Variants in TFE3 observed in about 807,000 individuals in gnomAD.
TFE3 encodes transcription factor E3.
A neutral mutation model predicts 35.0 loss-of-function variants in TFE3; 5 were observed. The ratio of observed to expected loss-of-function variants is 0.14; its 90% CI spans 0.07 to 0.30. TFE3 has a LOEUF of 0.30. Ranked by LOEUF, TFE3 falls within the 10% of genes least tolerant of loss-of-function variation. TFE3 has a pLI of 1.00. For missense variants in TFE3, 374 were observed against 496.6 expected, an observed-to-expected ratio of 0.75 and a Z score of 2.35; for synonymous variants, 211 against 215.6, an observed-to-expected ratio of 0.98 and a Z score of 0.18.
At position 49,031,379 on chromosome X, in the gene TFE3, C is replaced by T. The variant is rs1557073701; in HGVS notation, c.1284+18G>A. 4 of 1,179,165 alleles carry T rather than the reference C, an allele frequency of 3.4e-6. No homozygotes were observed. Among genetic ancestry groups the T allele is most frequent in the African/African-American group, 1.8e-5 (1 of 56,319 alleles). On this transcript the variant is annotated intron_variant, in intron 9 of 9. Coordinates refer to ENST00000315869, the MANE Select transcript of TFE3 (RefSeq NM_006521.6). ...AGCTCTCCCCCTCTTCCCCCACCACCATCTCCTCTTTTCAAACCTGAATTC... is the reference window on the plus strand; with the variant it reads ...AGCTCTCCCCCTCTTCCCCCACCACTATCTCCTCTTTTCAAACCTGAATTC...
Position 49,028,726 on chromosome X carries a change from T to C in TFE3, c.*1432A>G, listed in dbSNP as rs782167555. On this transcript the variant is annotated 3_prime_UTR_variant, in exon 10 of 10. Transcript: ENST00000315869. Reference sequence around the variant, plus strand: ...AGTGTAAAACAAGGACAGGAGACTCTTTGCCAAAGTTAAAAGCGCATCAAA... The same window carrying C: ...AGTGTAAAACAAGGACAGGAGACTCCTTGCCAAAGTTAAAAGCGCATCAAA... 1 of 158,311 alleles carries C rather than the reference T, an allele frequency of 6.3e-6. No homozygotes were observed. Among genetic ancestry groups the C allele is most frequent in the Admixed American group, 8.3e-5 (1 of 12,035 alleles). 13.0% of individuals were successfully genotyped at this position (158,311 alleles called of 1,213,427 possible).
Position 49,043,150 on chromosome X carries a change from A to G in TFE3, c.77T>C (p.Leu26Ser). 8.4e-7 allele frequency: 1 copy of G among 1,193,552 alleles called. No individual in the cohort carries two copies. The highest frequency in any genetic ancestry group is 1.1e-6 in the Non-Finnish European group (1 of 888,929). Residue 26 changes from leucine (L) to serine (S), a missense_variant, in exon 1 of 10, where the codon TTG becomes TCG. Around this residue, in one of 3 missense-constraint regions of TFE3, gnomAD observed 90 missense variants for 87.5 expected, o/e 1.03. Coordinates refer to ENST00000315869, the MANE Select transcript of TFE3 (RefSeq NM_006521.6). ...AEGPRAVFVL[L>S]EERRPADSAQ... is the part of the protein sequence containing the mutation. ...CGAGTCGGCCGGCCTGCGCTCCTCC[A>G]ACAGCACGAACACGGCTCGAGGGCC...
At chrX:49,037,418 C>T (rs782629226) in intron 5 of TFE3, among the ~76,000 whole-genome samples, 1 of 109,190 alleles carries the variant, frequency 9.2e-6, no homozygotes, top group South Asian at 3.9e-4. Context: ...ATGCTCATCT[C>T]GGCCGGGTGT....
chrX:49,040,666 C>A (rs1007116319), intron 1 of TFE3, 98 bp from the exon 2 acceptor site: 4 of 584,324 alleles, frequency 6.8e-6, no homozygotes, highest in Admixed American at 2.8e-5. Context: ...GGGGGGAGAA[C>A]GAAGAGGAGG....
Position 49,039,158 on chromosome X carries a change from GC to G in TFE3, c.482del (p.Gly161AlafsTer4). ...AISVVGVSAG[G>X]HTLSRPPPAQ... Reference sequence around the variant, plus strand: ...CAGGGGGTGGACGGCTCAATGTGTGGCCCCCAGCAGAGACGCCAACCACAGA... The same window carrying G: ...CAGGGGGTGGACGGCTCAATGTGTGGCCCCAGCAGAGACGCCAACCACAGA... On this transcript the variant is annotated frameshift_variant, in exon 3 of 10. Transcript: ENST00000315869. LOFTEE classifies it high-confidence loss of function. 1 of 1,197,099 alleles carries G rather than the reference GC, an allele frequency of 8.4e-7. No homozygotes were observed.
rs145321303 is a variant in TFE3, at chrX:49,041,648, C to T, written c.117-1080G>A. ...CACCCCCAACACTAACACCCACTGGCGCACAAAATAAGAAGCCATATACAC... is the reference window on the plus strand; with the variant it reads ...CACCCCCAACACTAACACCCACTGGTGCACAAAATAAGAAGCCATATACAC... On this transcript the variant is annotated intron_variant, in intron 1 of 9. Coordinates refer to ENST00000315869, the MANE Select transcript of TFE3 (RefSeq NM_006521.6). Among the ~76,000 whole-genome samples, 501 of 110,874 alleles carry T rather than the reference C, an allele frequency of 4.5e-3. 1 individual carries two copies. The highest frequency in any genetic ancestry group is 6.8e-3 in the Non-Finnish European group (362 of 52,953).
chrX:49,030,743 G>A lies in TFE3; in HGVS notation c.1285-142C>T, dbSNP rs2064695391. 6 of 502,936 alleles carry A rather than the reference G, an allele frequency of 1.2e-5. No homozygotes were observed. The Admixed American group carries it at 1.2e-4, about 10-fold the overall frequency. The allele number at this position is 502,936 out of a possible 1,213,427, so 41.4% of individuals were successfully genotyped here. On this transcript the variant is annotated intron_variant, in intron 9 of 9. Coordinates refer to ENST00000315869, the MANE Select transcript of TFE3 (RefSeq NM_006521.6). Reference sequence around the variant, plus strand: ...CACTAGTTCCAAAACTTTAGGCAAGGTGCTTAACATCTCTGAAGCTTCAGA... The same window carrying A: ...CACTAGTTCCAAAACTTTAGGCAAGATGCTTAACATCTCTGAAGCTTCAGA...
chrX:49,033,452 A>G lies in TFE3; in HGVS notation c.1136+13T>C. ...CACCTCCCGCTGGCCTGAGGGTCCC[A>G]GCCCAGACTCACGGGTCACTGGACT... is the stretch of plus-strand genomic sequence containing the variant. On this transcript the variant is annotated intron_variant, in intron 8 of 9. Coordinates refer to ENST00000315869, the MANE Select transcript of TFE3 (RefSeq NM_006521.6). 8.3e-7 allele frequency: 1 copy of G among 1,209,863 alleles called. No homozygotes were observed. The highest frequency in any genetic ancestry group is 1.1e-6 in the Non-Finnish European group (1 of 894,409).
rs201030170 is a variant in TFE3, at chrX:49,040,936, C to CT, written c.117-369dup. 7.2e-3 allele frequency among the ~76,000 whole-genome samples: 710 copies of CT among 97,960 alleles called. 10 individuals are homozygous for CT. Among genetic ancestry groups the CT allele is most frequent in the African/African-American group, 0.024 (616 of 25,821 alleles). The allele number at this position is 97,960 out of a possible 115,157, so 85.1% of individuals were successfully genotyped here. Reference sequence around the variant, plus strand: ...GTTCTCCCAGCCCCCATACCCCCTACTTTTTTTTTTTTTTTGAGACAGAGT... The same window carrying CT: ...GTTCTCCCAGCCCCCATACCCCCTACTTTTTTTTTTTTTTTTGAGACAGAGT... On this transcript the variant is annotated intron_variant, in intron 1 of 9. Transcript: ENST00000315869.
At position 49,030,129 on chromosome X, in the gene TFE3, G is replaced by A; in HGVS notation, c.*29C>T. The A allele has an allele frequency of 8.4e-7, 1 of 1,185,794 alleles. No homozygotes were observed. The highest frequency in any genetic ancestry group is 1.1e-6 in the Non-Finnish European group (1 of 882,145). On this transcript the variant is annotated 3_prime_UTR_variant, in exon 10 of 10. Coordinates refer to ENST00000315869, the MANE Select transcript of TFE3 (RefSeq NM_006521.6). ...TGACTGGTCCTCCTTTCCTGGGTGG[G>A]AAAGTCCCAGGGGAGGGGTGAGGCC...
At position 49,029,914 on chromosome X, in the gene TFE3, G is replaced by A; in HGVS notation, c.*244C>T. 2.0e-6 allele frequency: 1 copy of A among 512,530 alleles called. No individual in the cohort carries two copies. Among genetic ancestry groups the A allele is most frequent in the Non-Finnish European group, 3.5e-6 (1 of 281,945 alleles). 42.2% of individuals were successfully genotyped at this position (512,530 alleles called of 1,213,427 possible). On this transcript the variant is annotated 3_prime_UTR_variant, in exon 10 of 10. Coordinates refer to ENST00000315869, the MANE Select transcript of TFE3 (RefSeq NM_006521.6). ...CCCAGGGGGCAGGCCCTGATCTCAT[G>A]TCCTTCTCCAGCCTTCTCCTTCTGA...
chrX:49,039,418 A>T lies in TFE3; in HGVS notation c.231-8T>A. On this transcript the variant is annotated splice_polypyrimidine_tract_variant and splice_region_variant and intron_variant, in intron 2 of 9. Transcript: ENST00000315869. Reference sequence around the variant, plus strand: ...TGCAGTGATATTGGGAGGCTGTGGAATGGGAAATATGGGGCCATATTTTAG... The same window carrying T: ...TGCAGTGATATTGGGAGGCTGTGGATTGGGAAATATGGGGCCATATTTTAG... The T allele has an allele frequency of 1.7e-6, 2 of 1,165,355 alleles. No homozygotes were observed. Among genetic ancestry groups the T allele is most frequent in the Non-Finnish European group, 2.3e-6 (2 of 872,538 alleles).
At chrX:49,031,041 C>T (rs1557073646) in intron 9 of TFE3, among the ~76,000 whole-genome samples, 1 of 109,692 alleles carries the variant, frequency 9.1e-6, no homozygotes. Context: ...GCCGAGATTG[C>T]GCCATTGCAC....
Position 49,030,444 on chromosome X carries a change from C to A in TFE3, c.1442G>T (p.Gly481Val), listed in dbSNP as rs782619958. 2.2e-5 allele frequency: 27 copies of A among 1,209,474 alleles called. No homozygotes were observed. Among genetic ancestry groups the A allele is most frequent in the Non-Finnish European group, 2.8e-5 (25 of 895,058 alleles). ...ATGGGGAGCATTCTGGGCAGGTCCC[C>A]CCCCTACATGGAACGTTGCTGCGCC... The part of the protein sequence containing the change: ...RPGAATFHVG[G>V]GPAQNAPHQQ... The change falls in exon 10 of 10, where the codon GGG (glycine) becomes GTG (valine). Residue 481 changes from glycine to valine, a missense_variant. Gly to Val is a moderately radical substitution (Grantham distance 109). This residue lies in a region of TFE3 where 117 missense variants were observed against 111.9 expected (regional missense o/e 1.05). Coordinates refer to ENST00000315869, the MANE Select transcript of TFE3 (RefSeq NM_006521.6).
In TFE3 at chrX:49,030,368, G is replaced by A; in HGVS notation, c.1518C>T (p.Pro506=). The A allele has an allele frequency of 8.3e-7, 1 of 1,210,208 alleles. No homozygotes were observed. Among genetic ancestry groups the A allele is most frequent in the South Asian group, 1.8e-5 (1 of 56,901 alleles). Residue 506 remains proline, a synonymous_variant, in exon 10 of 10, where the codon CCC becomes CCT. Transcript: ENST00000315869. The part of the protein sequence containing the change: ...PSDALLDLHF[P]SDHLGDLGDP... ...CTCCCAGGTCCCCCAGGTGGTCGCT[G>A]GGAAAGTGCAGGTCCAGAAGGGCAT...
intron 5 of TFE3, among the ~76,000 whole-genome samples, chrX:49,036,216 C>T (rs782017571): frequency 1.3e-4 from 14 of 109,036 alleles, no homozygotes; most frequent in Non-Finnish European, 2.5e-4. Flanking sequence ...ACCTGTAATC[C>T]GAGAACTTTG....
intron 8 of TFE3, 113 bp from the exon 9 acceptor site, chrX:49,031,657 G>T: frequency 1.1e-6 from 1 of 870,947 alleles, no homozygotes; most frequent in Non-Finnish European, 1.5e-6. Flanking sequence ...AGAACTTGAG[G>T]CTGGGGTCTT....
Position 49,043,239 on chromosome X carries a change from C to T in TFE3, c.-13G>A. On this transcript the variant is annotated 5_prime_UTR_variant, in exon 1 of 10. Transcript: ENST00000315869. ...CCGCATGAGACATGACGCCCGGCCCCGGGCGAGCCCTGCCAGGCCGGTCGG... is the reference window on the plus strand; with the variant it reads ...CCGCATGAGACATGACGCCCGGCCCTGGGCGAGCCCTGCCAGGCCGGTCGG... 8.8e-7 allele frequency: 1 copy of T among 1,134,822 alleles called. No homozygotes were observed. The highest frequency in any genetic ancestry group is 2.0e-5 in the South Asian group (1 of 50,380). The allele number at this position is 1,134,822 out of a possible 1,213,427, so 93.5% of individuals were successfully genotyped here.
intron 5 of TFE3, among the ~76,000 whole-genome samples, chrX:49,036,766 C>A (rs969417442): frequency 9.0e-6 from 1 of 111,309 alleles, no homozygotes; most frequent in South Asian, 3.7e-4. Context: ...AGCACCATTG[C>A]GCTCCAGCCT....
Sources: allele counts gnomAD v4.1 joint callset (sites outside exome capture counted in the v4.1 genomes callset), GRCh38; gene constraint gnomAD v4.1.1; regional missense constraint gnomAD v4.1.1; transcripts MANE v1.5; gene names NCBI Gene and HGNC (gene_info 2026-07-23, HGNC 2026-07-21).